Variants in ESR1 observed in about 807,000 individuals in gnomAD.
ESR1 encodes estrogen receptor 1.
A neutral mutation model predicts 52.7 loss-of-function variants in ESR1; 12 were observed. The observed-to-expected ratio is 0.23, with a 90% CI of 0.15 to 0.37. The LOEUF is 0.37. Ranked by LOEUF, ESR1 falls within the 10% of genes least tolerant of loss-of-function variation. ESR1 has a pLI of 1.00. For synonymous variants in ESR1, 305 were observed against 316.8 expected, an observed-to-expected ratio of 0.96 and a Z score of 0.39; for missense variants, 584 against 779.7, an observed-to-expected ratio of 0.75 and a Z score of 2.99.
Position 152,101,521 on chromosome 6 carries a change from A to G in ESR1, c.*2555A>G. On this transcript the variant is annotated 3_prime_UTR_variant, in exon 8 of 8. Coordinates refer to ENST00000206249, the MANE Select transcript of ESR1 (RefSeq NM_000125.4). The stretch of plus-strand genomic sequence containing the variant: ...ATTTGAAGTGGGCAGAGAACATCAG[A>G]TGATTGAAATGTTCGCCCAGGGGTC... 4.3e-6 allele frequency: 1 copy of G among 232,106 alleles called. No homozygotes were observed. The highest frequency in any genetic ancestry group is 1.3e-3 in the Middle Eastern group (1 of 782). 14.4% of individuals were successfully genotyped at this position (232,106 alleles called of 1,614,324 possible).
intron 5 of ESR1, among the ~76,000 whole-genome samples, chr6:152,035,393 G>C (rs148409721): frequency 2.0e-3 from 301 of 151,950 alleles, no homozygotes; most frequent in African/African-American, 6.7e-3. Flanking sequence ...CAGGAGCTCT[G>C]TAGAAACAAG....
intron 4 of ESR1, among the ~76,000 whole-genome samples, chr6:151,973,186 C>A (rs1188865055): frequency 1.3e-5 from 2 of 152,176 alleles, no homozygotes; most frequent in East Asian, 3.9e-4. Flanking sequence ...TCACAGCAAC[C>A]AAAAGATTAT....
At chr6:152,047,606 G>A (rs2046326232) in intron 5 of ESR1, among the ~76,000 whole-genome samples, 1 of 152,086 alleles carries the variant, frequency 6.6e-6, no homozygotes, top group Non-Finnish European at 1.5e-5. Context: ...CTGCTATAGA[G>A]ACTTAAGGAA....
intron 2 of ESR1, among the ~76,000 whole-genome samples, chr6:151,773,264 C>G (rs970173814): frequency 1.3e-5 from 2 of 152,212 alleles, no homozygotes; most frequent in Non-Finnish European, 2.9e-5. Flanking sequence ...AGCAAACCCC[C>G]AGAAGCTACA....
intron 1 of ESR1, among the ~76,000 whole-genome samples, chr6:151,823,593 G>T (rs1780958805): frequency 1.3e-5 from 2 of 151,958 alleles, no homozygotes; most frequent in African/African-American, 4.8e-5. Flanking sequence ...TTTACATTAG[G>T]TATATCTCCT....
chr6:151,671,812 T>C (rs1386197718), intron 1 of ESR1, among the ~76,000 whole-genome samples: 4 of 151,806 alleles, frequency 2.6e-5, no homozygotes, highest in Non-Finnish European at 4.4e-5. Context: ...GCCAACATAG[T>C]GAAACCTCGT....
At chr6:151,669,524 C>T (rs796361207) in intron 1 of ESR1, among the ~76,000 whole-genome samples, 28 of 152,208 alleles carry the variant, frequency 1.8e-4, no homozygotes, top group African/African-American at 6.3e-4. Context: ...GTATCAAGTC[C>T]GAACCAAGGG....
chr6:151,964,170 T>C (rs1397331031), intron 4 of ESR1, among the ~76,000 whole-genome samples: 2 of 152,200 alleles, frequency 1.3e-5, no homozygotes, highest in Non-Finnish European at 2.9e-5. Context: ...TGTGGTTCCA[T>C]ACAGATTTAA....
intron 3 of ESR1, among the ~76,000 whole-genome samples, chr6:151,905,946 C>T (rs992144560): frequency 3.3e-5 from 5 of 152,108 alleles, no homozygotes; most frequent in Admixed American, 6.5e-5. Flanking sequence ...TTATGCCTAG[C>T]GTTCCATTAT....
intron 4 of ESR1, among the ~76,000 whole-genome samples, chr6:151,981,233 G>A (rs2039964565): frequency 6.6e-6 from 1 of 152,126 alleles, no homozygotes; most frequent in African/African-American, 2.4e-5. Flanking sequence ...TTACCACCTT[G>A]CTTTAATTTC....
chr6:152,101,360 T>A lies in ESR1; in HGVS notation c.*2394T>A, dbSNP rs946597608. ...TAATGTTTATACTTAGATTTTCTTT[T>A]AAAAAAATTAAAATAAAACAAAAAA... On this transcript the variant is annotated 3_prime_UTR_variant, in exon 8 of 8. Transcript: ENST00000206249. The A allele has an allele frequency of 2.2e-5, 5 of 232,502 alleles. No individual in the cohort carries two copies. Among genetic ancestry groups the A allele is most frequent in the African/African-American group, 6.6e-5 (3 of 45,266 alleles). 14.4% of individuals were successfully genotyped at this position (232,502 alleles called of 1,614,324 possible).
chr6:151,739,616 G>C (rs569642110), intron 2 of ESR1, among the ~76,000 whole-genome samples: 1 of 152,320 alleles, frequency 6.6e-6, no homozygotes, highest in East Asian at 1.9e-4. Flanking sequence ...CTCCTTGACT[G>C]TCAAATGACA....
chr6:152,067,987 T>A (rs1439434354), intron 6 of ESR1, among the ~76,000 whole-genome samples: 1 of 152,240 alleles, frequency 6.6e-6, no homozygotes, highest in Non-Finnish European at 1.5e-5. Flanking sequence ...TTATAGCTCT[T>A]ATGGAAGTAT....
upstream of ESR1, among the ~76,000 whole-genome samples, chr6:151,803,459 C>T (rs921653586): frequency 1.3e-5 from 2 of 152,184 alleles, no homozygotes; most frequent in South Asian, 4.2e-4. Flanking sequence ...TTTTGCTTGG[C>T]TGAAGCATAG....
Position 152,092,031 on chromosome 6 carries a change from A to G in ESR1, c.1370-2354A>G, listed in dbSNP as rs76397525. ...GGGTATGATGACACAGAGGACTGTG[A>G]GAGGCAGAGAAAAGGGGAGAAGAGC... On this transcript the variant is annotated intron_variant, in intron 6 of 7. Coordinates refer to ENST00000206249, the MANE Select transcript of ESR1 (RefSeq NM_000125.4). Among the ~76,000 whole-genome samples, 514 of 152,296 alleles carry G rather than the reference A, an allele frequency of 3.4e-3. 9 individuals are homozygous for G. Among genetic ancestry groups the G allele is most frequent in the African/African-American group, 0.012 (488 of 41,562 alleles).
chr6:151,718,475 G>A (rs557716454), intron 2 of ESR1, among the ~76,000 whole-genome samples: 1 of 152,272 alleles, frequency 6.6e-6, no homozygotes, highest in South Asian at 2.1e-4. Flanking sequence ...AACCATGCAT[G>A]AGATTTTTCC....
Position 152,102,144 on chromosome 6 carries a change from T to C in ESR1, c.*3178T>C, listed in dbSNP as rs1190601637. The C allele has an allele frequency of 4.8e-6, 1 of 210,168 alleles. No individual in the cohort carries two copies. Among genetic ancestry groups the C allele is most frequent in the African/African-American group, 2.3e-5 (1 of 44,064 alleles). The allele number at this position is 210,168 out of a possible 1,614,324, so 13.0% of individuals were successfully genotyped here. On this transcript the variant is annotated 3_prime_UTR_variant, in exon 8 of 8. Coordinates refer to ENST00000206249, the MANE Select transcript of ESR1 (RefSeq NM_000125.4). ...GATTTCCCTAGTAACCTTGCAGATA[T>C]GTTTAACCAAGCCATAGCCCATGCC...
Position 152,056,767 on chromosome 6 carries a change from T to A in ESR1, c.1236-4224T>A, listed in dbSNP as rs551150141. ...CTGACATAATCCATGGAGGAGTTCATCACTGCAGGCTGTCACGTCTCACAG... is the reference window on the plus strand; with the variant it reads ...CTGACATAATCCATGGAGGAGTTCAACACTGCAGGCTGTCACGTCTCACAG... On this transcript the variant is annotated intron_variant, in intron 5 of 7. Transcript: ENST00000206249. Among the ~76,000 whole-genome samples, 11 of 152,310 alleles carry A rather than the reference T, an allele frequency of 7.2e-5. No individual in the cohort carries two copies. In the East Asian group the frequency reaches 2.1e-3, roughly 29 times the overall value.
chr6:151,979,629 T>G (rs1380419706), intron 4 of ESR1, among the ~76,000 whole-genome samples: 2 of 152,208 alleles, frequency 1.3e-5, no homozygotes, highest in East Asian at 3.8e-4. Context: ...CCTGCTTTAA[T>G]GAATAGATAA....
Sources: gnomAD v4.1 joint callset for allele counts (sites outside exome capture counted in the v4.1 genomes callset) on GRCh38, gnomAD v4.1.1 for gene constraint, MANE v1.5 for transcripts, NCBI Gene and HGNC (gene_info 2026-07-23, HGNC 2026-07-21) for gene names.